The following STON1 variants were observed in gnomAD, a reference collection of about 807,000 sequenced individuals.
STON1 encodes the protein stonin 1.
A neutral mutation model predicts 60.9 loss-of-function variants in STON1; 79 were observed. The ratio of observed to expected loss-of-function variants is 1.30; its 90% confidence interval spans 1.08 to 1.56. The LOEUF (loss-of-function observed/expected upper bound fraction) is 1.56, where lower values mean the gene tolerates loss of function less well. STON1 is among the 40% of genes most tolerant of loss of function. The probability of loss-of-function intolerance (pLI) is 0.00; values close to 1 mark genes in which losing one functional copy is unlikely to be tolerated. For missense variants in STON1, 1,166 were observed against 858.9 expected, an observed-to-expected ratio of 1.36 and a Z score of -4.47; for synonymous variants, 363 against 306.9, an observed-to-expected ratio of 1.18 and a Z score of -1.91.
At chr2:48,532,371 TAAATAAATAAATAAA>T (rs1671248745) in intron 1 of STON1, among the ~76,000 whole-genome samples, 1 of 143,826 alleles carries the variant, frequency 7.0e-6, no homozygotes, top group Non-Finnish European at 1.5e-5. Flanking sequence ...AATAAATAAA[TAAATAAATAAATAAA>T]TAATTGATAG....
At chr2:48,577,551 A>G (rs950476972) in intron 1 of STON1, among the ~76,000 whole-genome samples, 2 of 151,342 alleles carry the variant, frequency 1.3e-5, no homozygotes, top group African/African-American at 4.9e-5. Context: ...ACTGCATTCC[A>G]GCCTGAGCGA....
chr2:48,566,563 G>A (rs1268347903), intron 1 of STON1, among the ~76,000 whole-genome samples: 1 of 152,158 alleles, frequency 6.6e-6, no homozygotes, highest in Non-Finnish European at 1.5e-5. Context: ...GATTACAGGC[G>A]TGAGCCACCG....
chr2:48,541,024 A>G (rs751964935), intron 1 of STON1, among the ~76,000 whole-genome samples: 23 of 152,204 alleles, frequency 1.5e-4, no homozygotes, highest in Non-Finnish European at 2.8e-4. Context: ...CTTAACTCCT[A>G]ATTAACTTAA....
At chr2:48,589,452 A>C (rs1674395224) in intron 2 of STON1, among the ~76,000 whole-genome samples, 1 of 152,210 alleles carries the variant, frequency 6.6e-6, no homozygotes, top group East Asian at 1.9e-4. Flanking sequence ...TAAGCCCCAA[A>C]CATGACAGAC....
intron 1 of STON1, among the ~76,000 whole-genome samples, chr2:48,541,978 A>G (rs190955256): frequency 1.3e-5 from 2 of 152,320 alleles, no homozygotes; most frequent in Non-Finnish European, 2.9e-5. Flanking sequence ...TAGATTCTCT[A>G]TAGTAGATCA....
intron 1 of STON1, among the ~76,000 whole-genome samples, chr2:48,538,733 G>A (rs1411845051): frequency 2.0e-5 from 3 of 148,392 alleles, no homozygotes; most frequent in African/African-American, 5.0e-5. Flanking sequence ...GAGTTGCTGG[G>A]ATTACAGGTG....
intron 1 of STON1, among the ~76,000 whole-genome samples, chr2:48,578,852 A>G (rs1307000871): frequency 1.1e-4 from 16 of 151,636 alleles, no homozygotes; most frequent in Non-Finnish European, 4.4e-5. Flanking sequence ...TGGCCTCCCA[A>G]AGTGCTGGGA....
intron 1 of STON1, among the ~76,000 whole-genome samples, chr2:48,533,756 AT>A (rs1250234702): frequency 1.4e-5 from 2 of 142,522 alleles, no homozygotes; most frequent in African/African-American, 5.2e-5. Flanking sequence ...AGAATGTTGA[AT>A]TACACAGGAC....
chr2:48,557,074 A>ACC (rs547175576), intron 1 of STON1, among the ~76,000 whole-genome samples: 8 of 59,576 alleles, frequency 1.3e-4, no homozygotes, highest in African/African-American at 2.6e-4. Flanking sequence ...CGGGGGGCTG[A>ACC]CCCCCCCCCA....
Position 48,598,436 on chromosome 2 carries a change from T to G in STON1, c.*3134T>G, listed in dbSNP as rs1674879425. Reference sequence around the variant, plus strand: ...TCTGTCAATGCAAATATAAGACAGGTTGAGCCTTAATCATGTAACAAAATA... The same window carrying G: ...TCTGTCAATGCAAATATAAGACAGGGTGAGCCTTAATCATGTAACAAAATA... On this transcript the variant is annotated 3_prime_UTR_variant, in exon 4 of 4. Coordinates refer to ENST00000404752, the MANE Select transcript of STON1 (RefSeq NM_006873.4). 6.6e-6 allele frequency: 1 copy of G among 152,656 alleles called. No homozygotes were observed. The highest frequency in any genetic ancestry group is 2.4e-5 in the African/African-American group (1 of 41,460). 9.5% of individuals were successfully genotyped at this position (152,656 alleles called of 1,614,324 possible).
At chr2:48,577,295 A>T (rs1673570430) in intron 1 of STON1, among the ~76,000 whole-genome samples, 1 of 150,380 alleles carries the variant, frequency 6.6e-6, no homozygotes, top group African/African-American at 2.4e-5. Context: ...AGAGTTTTAT[A>T]GTTTTCACCG....
rs745758073 is a variant in STON1 at position 48,591,652 on chromosome 2, G to A, written c.1931-1G>A. The stretch of plus-strand genomic sequence containing the variant: ...GACTATTTGATTTTTTTTCCCTCGA[G>A]GTCTAGATCATCCCCATTGTCTGTC... On this transcript the variant is annotated splice_acceptor_variant, in intron 2 of 3. Transcript: ENST00000404752. LOFTEE classifies it high-confidence loss of function. The A allele has an allele frequency of 6.2e-6, 10 of 1,611,856 alleles. No homozygotes were observed. The highest frequency in any genetic ancestry group is 8.5e-6 in the Non-Finnish European group (10 of 1,179,466).
chr2:48,581,220 T>C lies in STON1; in HGVS notation c.587T>C (p.Phe196Ser), dbSNP rs1428180961. ...FWKDEGSDSHFTLDPPGSKKM... is the reference protein window; with the variant it reads ...FWKDEGSDSHSTLDPPGSKKM... Reference sequence around the variant, plus strand: ...AAAGATGAAGGCAGTGATTCCCATTTCACCCTTGACCCACCAGGAAGCAAA... The same window carrying C: ...AAAGATGAAGGCAGTGATTCCCATTCCACCCTTGACCCACCAGGAAGCAAA... Residue 196 changes from phenylalanine (F) to serine (S), a missense_variant, in exon 2 of 4, where the codon TTC (phenylalanine) becomes TCC (serine). Phe to Ser is a radical substitution (Grantham distance 155, BLOSUM62 -2). Transcript: ENST00000404752. 6.6e-7 allele frequency: 1 copy of C among 1,521,692 alleles called. No individual in the cohort carries two copies. The highest frequency in any genetic ancestry group is 8.8e-7 in the Non-Finnish European group (1 of 1,141,340). 94.3% of individuals were successfully genotyped at this position (1,521,692 alleles called of 1,614,324 possible).
At chr2:48,555,283 TCACCTCCCG>T (rs1672278192) in intron 1 of STON1, among the ~76,000 whole-genome samples, 1 of 94,934 alleles carries the variant, frequency 1.1e-5, no homozygotes, top group Non-Finnish European at 2.2e-5. Flanking sequence ...GAGGCGCCCC[TCACCTCCCG>T]GACGGGGCGG....
At chr2:48,553,582 G>A (rs1177966936) in intron 1 of STON1, among the ~76,000 whole-genome samples, 1 of 151,954 alleles carries the variant, frequency 6.6e-6, no homozygotes, top group Non-Finnish European at 1.5e-5. Context: ...CTGCCTCCCG[G>A]GTTCAAGCGA....
chr2:48,586,555 G>T (rs970562813), intron 2 of STON1, among the ~76,000 whole-genome samples: 4 of 152,202 alleles, frequency 2.6e-5, no homozygotes, highest in African/African-American at 9.6e-5. Flanking sequence ...AGTCAATAGA[G>T]TTTCCATCAA....
intron 1 of STON1, among the ~76,000 whole-genome samples, chr2:48,556,967 G>C (rs1159587525): frequency 2.1e-5 from 1 of 47,564 alleles, no homozygotes; most frequent in Non-Finnish European, 4.3e-5. Flanking sequence ...CTGGCCGGGC[G>C]GGGGGCTGAC....
rs1178526369 is a variant in STON1, at chr2:48,591,844, T to C, written c.2122T>C (p.Tyr708His). ...PQKHVQQRACYNIQVEIEKKW... is the reference protein window; with the variant it reads ...PQKHVQQRACHNIQVEIEKKW... ...GAAACATGTTCAGCAGCGAGCTTGC[T>C]ACAACATCCAGGTACATCCCAAAAC... The change falls in exon 3 of 4, where the codon TAC (tyrosine) becomes CAC (histidine). Residue 708 changes from tyrosine to histidine, a missense_variant. Tyr to His is a moderately conservative substitution (Grantham distance 83). Coordinates refer to ENST00000404752, the MANE Select transcript of STON1 (RefSeq NM_006873.4). The C allele has an allele frequency of 6.2e-7, 1 of 1,614,120 alleles. No individual in the cohort carries two copies. The highest frequency in any genetic ancestry group is 1.7e-5 in the Admixed American group (1 of 60,020).
intron 1 of STON1, chr2:48,568,943 G>T (rs1340110464): frequency 1.3e-5 from 2 of 152,412 alleles, no homozygotes; most frequent in Non-Finnish European, 2.9e-5. Context: ...AGTGAAGGGT[G>T]GGGTGGTGGA....
Sources: allele counts gnomAD v4.1 joint callset (sites outside exome capture counted in the v4.1 genomes callset), GRCh38; gene constraint gnomAD v4.1.1; transcripts MANE v1.5; gene names NCBI Gene and HGNC (gene_info 2026-07-23, HGNC 2026-07-21).